ZNF385B: variants seen among roughly 807,000 people sequenced by gnomAD.
ZNF385B encodes the protein zinc finger protein 533.
Under a neutral mutation model 39.2 loss-of-function variants are expected in ZNF385B, and 23 were observed. That is an observed-to-expected ratio of 0.59 (90% confidence interval 0.42 to 0.83). The LOEUF (loss-of-function observed/expected upper bound fraction) is 0.83. ZNF385B is among the 40% of genes least tolerant of loss of function. ZNF385B has a pLI of 0.00. For missense variants in ZNF385B, 552 were observed against 598.9 expected (o/e 0.92, Z 0.82); for synonymous variants, 205 against 222.6 (o/e 0.92, Z 0.70).
intron 3 of ZNF385B, among the ~76,000 whole-genome samples, chr2:179,674,483 A>T (rs1696479701): frequency 6.6e-6 from 1 of 152,158 alleles, no homozygotes; most frequent in South Asian, 2.1e-4. Context: ...GGAAACCTTC[A>T]CCTGATACTG....
chr2:179,633,354 C>A (rs1404994763), intron 3 of ZNF385B, among the ~76,000 whole-genome samples: 1 of 152,222 alleles, frequency 6.6e-6, no homozygotes, highest in East Asian at 1.9e-4. Flanking sequence ...GCTTATCCAC[C>A]ACGATCAAGT....
chr2:179,815,100 C>T (rs1002367200), intron 1 of ZNF385B, among the ~76,000 whole-genome samples: 6 of 152,092 alleles, frequency 3.9e-5, no homozygotes, highest in South Asian at 2.1e-4. Flanking sequence ...GCTTTCAAAA[C>T]GGGAAGAGCT....
chr2:179,615,303 C>A (rs1283957755), intron 3 of ZNF385B, among the ~76,000 whole-genome samples: 1 of 152,160 alleles, frequency 6.6e-6, no homozygotes, highest in Non-Finnish European at 1.5e-5. Context: ...CTACCAGGAA[C>A]TCTTATTTGG....
chr2:179,580,084 A>T (rs1686309560), intron 3 of ZNF385B, among the ~76,000 whole-genome samples: 1 of 152,206 alleles, frequency 6.6e-6, no homozygotes, highest in Non-Finnish European at 1.5e-5. Flanking sequence ...AATATTGAAC[A>T]TTCCAAACTT....
At chr2:179,504,875 G>A (rs2057111679) in intron 5 of ZNF385B, among the ~76,000 whole-genome samples, 1 of 151,540 alleles carries the variant, frequency 6.6e-6, no homozygotes, top group Non-Finnish European at 1.5e-5. Context: ...AGCACCAAGG[G>A]GGATGGTGCT....
intron 1 of ZNF385B, among the ~76,000 whole-genome samples, chr2:179,833,416 A>G (rs1372259571): frequency 6.6e-6 from 1 of 152,216 alleles, no homozygotes; most frequent in African/African-American, 2.4e-5. Context: ...TCTGCTAAAA[A>G]TTAGTATACA....
At chr2:179,582,113 C>T (rs570480509) in intron 3 of ZNF385B, among the ~76,000 whole-genome samples, 15 of 152,226 alleles carry the variant, frequency 9.9e-5, no homozygotes, top group African/African-American at 3.4e-4. Context: ...ATAACCACTT[C>T]GGTAGTAAGT....
intron 3 of ZNF385B, among the ~76,000 whole-genome samples, chr2:179,590,844 T>C (rs1334083315): frequency 1.3e-5 from 2 of 152,148 alleles, no homozygotes; most frequent in East Asian, 1.9e-4. Context: ...TCCACCATGA[T>C]TGTAAGTTTC....
intron 3 of ZNF385B, among the ~76,000 whole-genome samples, chr2:179,550,322 G>A (rs2060487801): frequency 6.7e-6 from 1 of 149,360 alleles, no homozygotes; most frequent in Non-Finnish European, 1.5e-5. Flanking sequence ...CTAGGGCCTG[G>A]TGAGAGTCAC....
At chr2:179,676,461 T>C (rs1429013075) in intron 3 of ZNF385B, among the ~76,000 whole-genome samples, 2 of 151,954 alleles carry the variant, frequency 1.3e-5, no homozygotes, top group African/African-American at 2.4e-5. Context: ...CCTGACCTCG[T>C]AATCTGCCCA....
chr2:179,735,281 T>G (rs533494439), intron 3 of ZNF385B, among the ~76,000 whole-genome samples: 1 of 147,708 alleles, frequency 6.8e-6, no homozygotes, highest in African/African-American at 2.5e-5. Context: ...ACATGAAAAA[T>G]TGCTCATCAT....
chr2:179,604,711 T>C (rs946092892), intron 3 of ZNF385B, among the ~76,000 whole-genome samples: 2 of 152,032 alleles, frequency 1.3e-5, no homozygotes, highest in Non-Finnish European at 2.9e-5. Context: ...CAAAGTAAAA[T>C]GGCAAGGCTG....
intron 3 of ZNF385B, among the ~76,000 whole-genome samples, chr2:179,756,308 C>A (rs559303824): frequency 3.3e-5 from 5 of 152,336 alleles, no homozygotes; most frequent in African/African-American, 1.2e-4. Flanking sequence ...AATATTGGCA[C>A]CCACTCTCTT....
At position 179,618,984 on chromosome 2, in the gene ZNF385B, A is replaced by T. The variant is rs183583747; in HGVS notation, c.299-74015T>A. ...CTTCAGTGTTCAGCGAATATAATGC[A>T]GTTACTATGAAACAACACCTGGTCT... On this transcript the variant is annotated intron_variant, in intron 3 of 9. Transcript: ENST00000410066. 3.9e-5 allele frequency among the ~76,000 whole-genome samples: 6 copies of T among 152,320 alleles called. No homozygotes were observed. The East Asian group carries it at 1.2e-3, about 29-fold the overall frequency.
At chr2:179,675,605 G>C (rs991739303) in intron 3 of ZNF385B, among the ~76,000 whole-genome samples, 1 of 152,122 alleles carries the variant, frequency 6.6e-6, no homozygotes, top group African/African-American at 2.4e-5. Context: ...AGTCATGCAG[G>C]TGAGAGGAAA....
At chr2:179,633,015 T>A (rs950968902) in intron 3 of ZNF385B, among the ~76,000 whole-genome samples, 5 of 152,152 alleles carry the variant, frequency 3.3e-5, no homozygotes, top group African/African-American at 1.2e-4. Context: ...AGAAGTTGAA[T>A]CTCTGAATAG....
At chr2:179,838,936 G>C (rs975837754) in intron 1 of ZNF385B, among the ~76,000 whole-genome samples, 1 of 148,380 alleles carries the variant, frequency 6.7e-6, no homozygotes, top group African/African-American at 2.5e-5. Flanking sequence ...AAAGGGGGGG[G>C]GGCATTTTGC....
In ZNF385B at chr2:179,829,482, A is replaced by G. The variant is rs568740790; in HGVS notation, c.-155+31619T>C. 1.2e-3 allele frequency among the ~76,000 whole-genome samples: 183 copies of G among 152,312 alleles called. 5 individuals are homozygous for G. In the South Asian group the frequency reaches 0.031, roughly 26 times the overall value. ...AAACTTCTAGAAGATAACATGGGGG[A>G]AAATCTAGGTAACCTTGGGTTTGGA... On this transcript the variant is annotated intron_variant, in intron 1 of 9. Coordinates refer to ENST00000410066, the MANE Select transcript of ZNF385B (RefSeq NM_152520.6).
At chr2:179,446,946 A>G (rs954736302) in intron 6 of ZNF385B, among the ~76,000 whole-genome samples, 176 bp from the exon 7 acceptor site, 19 of 152,190 alleles carry the variant, frequency 1.2e-4, no homozygotes, top group Admixed American at 7.2e-4. Flanking sequence ...ACAGAACACT[A>G]TGCCATCAGT....
Sources: allele counts gnomAD v4.1 joint callset (sites outside exome capture counted in the v4.1 genomes callset), GRCh38; gene constraint gnomAD v4.1.1; transcripts MANE v1.5; gene names NCBI Gene and HGNC (gene_info 2026-07-23, HGNC 2026-07-21).